Variants in ARHGAP15 observed in about 807,000 individuals in gnomAD.
ARHGAP15 encodes the protein rho GTPase-activating protein 15.
In ARHGAP15, 51 loss-of-function variants were observed where a neutral mutation model predicts 63.7. The ratio of observed to expected loss-of-function variants is 0.80; its 90% CI spans 0.64 to 1.01. The LOEUF is 1.01. Among genes scored for constraint, ARHGAP15 ranks in the 50% least tolerant of loss-of-function variants. ARHGAP15 has a pLI of 0.00. For synonymous variants in ARHGAP15, 191 were observed against 193.8 expected (o/e 0.99, Z 0.12); for missense variants, 560 against 564.6 (o/e 0.99, Z 0.08).
intron 3 of ARHGAP15, among the ~76,000 whole-genome samples, chr2:143,214,156 T>C (rs141663285): frequency 6.6e-6 from 1 of 152,166 alleles, no homozygotes; most frequent in Non-Finnish European, 1.5e-5. Flanking sequence ...GAAAAAACAA[T>C]TGGGGCTATA....
At chr2:143,379,034 T>TA (rs900023413) in intron 6 of ARHGAP15, among the ~76,000 whole-genome samples, 44 of 152,164 alleles carry the variant, frequency 2.9e-4, no homozygotes, top group African/African-American at 1.0e-3. Context: ...CATGAAGTTT[T>TA]AAATGGGAAT....
intron 8 of ARHGAP15, among the ~76,000 whole-genome samples, chr2:143,474,228 T>C (rs1383945558): frequency 6.6e-6 from 1 of 152,042 alleles, no homozygotes; most frequent in Non-Finnish European, 1.5e-5. Flanking sequence ...AGATTTCAGG[T>C]TACCAAAAGT....
At chr2:143,278,868 C>CTTTTTT (rs965265275) in intron 6 of ARHGAP15, among the ~76,000 whole-genome samples, 17 of 135,332 alleles carry the variant, frequency 1.3e-4, no homozygotes, top group African/African-American at 2.2e-4. Context: ...TTCTTTCTTT[C>CTTTTTT]TTTTTTTTTT....
rs1684441061 is a variant in ARHGAP15, at chr2:143,330,053, C to T, written c.474+79453C>T. Among the ~76,000 whole-genome samples the T allele has an allele frequency of 3.3e-5, 4 of 121,464 alleles. No individual in the cohort carries two copies. The South Asian group carries it at 1.1e-3, about 33-fold the overall frequency. The allele number at this position is 121,464 out of a possible 152,430, so 79.7% of individuals were successfully genotyped here. ...GTTGCAGTGAGCCTAGATTGCACCA[C>T]TACACTCCAGCAGCCTGGGTGACAG... On this transcript the variant is annotated intron_variant, in intron 6 of 13. Coordinates refer to ENST00000295095, the MANE Select transcript of ARHGAP15 (RefSeq NM_018460.4).
intron 6 of ARHGAP15, among the ~76,000 whole-genome samples, chr2:143,262,284 C>T (rs13427809): frequency 0.014 from 2,098 of 152,180 alleles, 25 homozygotes; most frequent in Middle Eastern, 0.024. Flanking sequence ...TAATCTGTTG[C>T]CATGTCTTCA....
intron 6 of ARHGAP15, among the ~76,000 whole-genome samples, chr2:143,376,453 T>C (rs748247734): frequency 6.6e-5 from 10 of 152,166 alleles, no homozygotes; most frequent in Non-Finnish European, 1.3e-4. Context: ...AAGGTTGGTG[T>C]AGAAAACGAA....
At chr2:143,430,602 CAT>C (rs1473765418) in intron 6 of ARHGAP15, among the ~76,000 whole-genome samples, 11 of 152,000 alleles carry the variant, frequency 7.2e-5, no homozygotes, top group African/African-American at 2.2e-4. Flanking sequence ...ATCTCCCTAT[CAT>C]GTGTATATTT....
chr2:143,298,276 T>TA lies in ARHGAP15; in HGVS notation c.474+47682dup, dbSNP rs144492377. 2.7e-3 allele frequency among the ~76,000 whole-genome samples: 410 copies of TA among 152,004 alleles called. 2 individuals are homozygous for TA. Among genetic ancestry groups the TA allele is most frequent in the African/African-American group, 9.6e-3 (397 of 41,488 alleles). On this transcript the variant is annotated intron_variant, in intron 6 of 13. Transcript: ENST00000295095. ...ATGAATTCCCATGTGGAAAAAATGG[T>TA]AAAAAAGGTAATGTTAGGATTACAC...
chr2:143,465,711 GT>G (rs879322360), intron 8 of ARHGAP15, among the ~76,000 whole-genome samples: 67 of 129,892 alleles, frequency 5.2e-4, no homozygotes, highest in South Asian at 1.0e-3. Flanking sequence ...AGAAAAATAA[GT>G]TTTTTTTTTC....
intron 6 of ARHGAP15, among the ~76,000 whole-genome samples, chr2:143,383,581 C>T (rs886087537): frequency 2.0e-5 from 3 of 152,116 alleles, no homozygotes; most frequent in Non-Finnish European, 2.9e-5. Flanking sequence ...GTATAACATT[C>T]TCGATATTAA....
intron 11 of ARHGAP15, among the ~76,000 whole-genome samples, chr2:143,570,486 C>T (rs991957161): frequency 6.6e-6 from 1 of 152,080 alleles, no homozygotes. Context: ...CCTACTTTAC[C>T]CAGAAGAATA....
chr2:143,310,449 G>A (rs1304736388), intron 6 of ARHGAP15, among the ~76,000 whole-genome samples: 1 of 151,980 alleles, frequency 6.6e-6, no homozygotes, highest in East Asian at 1.9e-4. Flanking sequence ...TGAATGAAGT[G>A]CATCTCATTA....
intron 12 of ARHGAP15, among the ~76,000 whole-genome samples, chr2:143,657,103 T>C (rs1681485669): frequency 6.6e-6 from 1 of 152,236 alleles, no homozygotes. Flanking sequence ...TCCCAGCACT[T>C]TGGGAGGCTG....
At chr2:143,673,754 G>GTTTATATATATATATATATATA (rs1166388931) in intron 12 of ARHGAP15, among the ~76,000 whole-genome samples, 1 of 31,406 alleles carries the variant, frequency 3.2e-5, no homozygotes, top group Non-Finnish European at 7.7e-5. Flanking sequence ...GTGTGTGTGT[G>GTTTATATATATATATATATATA]TGTGTATATA....
intron 2 of ARHGAP15, among the ~76,000 whole-genome samples, chr2:143,185,340 C>T (rs932759512): frequency 5.3e-5 from 8 of 152,168 alleles, no homozygotes; most frequent in Non-Finnish European, 1.0e-4. Flanking sequence ...ACTATTGACA[C>T]ATAGATTGAA....
intron 6 of ARHGAP15, among the ~76,000 whole-genome samples, chr2:143,341,657 T>C (rs1685061095): frequency 6.6e-6 from 1 of 152,092 alleles, no homozygotes; most frequent in Non-Finnish European, 1.5e-5. Flanking sequence ...CCTACTCATG[T>C]AAGTTCCTAA....
At chr2:143,499,280 T>C (rs371475274) in intron 9 of ARHGAP15, among the ~76,000 whole-genome samples, 1 of 152,196 alleles carries the variant, frequency 6.6e-6, no homozygotes, top group Non-Finnish European at 1.5e-5. Flanking sequence ...AACTTGTTAG[T>C]TCTGCTTTTG....
At chr2:143,645,737 CACGT>C (rs1680840918) in intron 12 of ARHGAP15, among the ~76,000 whole-genome samples, 1 of 152,054 alleles carries the variant, frequency 6.6e-6, no homozygotes. Context: ...ATTGAAGCAT[CACGT>C]GGTGGCTGTA....
At chr2:143,206,148 C>T (rs1692322800) in intron 3 of ARHGAP15, among the ~76,000 whole-genome samples, 1 of 152,072 alleles carries the variant, frequency 6.6e-6, no homozygotes, top group Non-Finnish European at 1.5e-5. Flanking sequence ...CCTTTCATCC[C>T]AGCACATGTT....
Sources: gnomAD v4.1 joint callset for allele counts (sites outside exome capture counted in the v4.1 genomes callset) on GRCh38, gnomAD v4.1.1 for gene constraint, MANE v1.5 for transcripts, NCBI Gene and HGNC (gene_info 2026-07-23, HGNC 2026-07-21) for gene names.